The following KIF26B variants were observed in gnomAD, a reference collection of about 807,000 sequenced individuals.
KIF26B encodes the protein kinesin-like protein KIF26B.
KIF26B carries 63 observed loss-of-function variants against 151.2 expected under a neutral mutation model. That is an observed-to-expected ratio of 0.42 (90% CI 0.34 to 0.51). The LOEUF is 0.51. Among genes scored for constraint, KIF26B ranks in the 20% least tolerant of loss-of-function variants. The pLI, the probability that KIF26B is intolerant of heterozygous loss-of-function variation, is 0.07. For missense variants in KIF26B, 2,813 were observed against 2,913.6 expected, an observed-to-expected ratio of 0.97 and a Z score of 0.79; for synonymous variants, 1,357 against 1,262.1, an observed-to-expected ratio of 1.08 and a Z score of -1.59.
Position 245,270,912 on chromosome 1 carries a change from T to A in KIF26B, c.466-95922T>A, listed in dbSNP as rs1221577645. Reference sequence around the variant, plus strand: ...TCAGGTCTACATTTAAGTCCTTTAATCCATTTTGAGTTGAGGTTTATGTAT... The same window carrying A: ...TCAGGTCTACATTTAAGTCCTTTAAACCATTTTGAGTTGAGGTTTATGTAT... On this transcript the variant is annotated intron_variant, in intron 2 of 14. Transcript: ENST00000407071. 3.3e-5 allele frequency among the ~76,000 whole-genome samples: 5 copies of A among 152,372 alleles called. No homozygotes were observed. In the East Asian group the frequency reaches 9.6e-4, roughly 29 times the overall value.
intron 2 of KIF26B, among the ~76,000 whole-genome samples, chr1:245,230,026 T>C (rs1241209181): frequency 6.6e-6 from 1 of 151,706 alleles, no homozygotes; most frequent in Non-Finnish European, 1.5e-5. Flanking sequence ...CCAGCTACTC[T>C]GGAGGCTGAG....
intron 4 of KIF26B, among the ~76,000 whole-genome samples, chr1:245,479,842 A>G (rs1242152156): frequency 4.6e-5 from 7 of 152,034 alleles, no homozygotes; most frequent in Admixed American, 3.9e-4. Flanking sequence ...GGGAGAGAGT[A>G]GAAAGGATAC....
At chr1:245,662,670 C>CT (rs2044166579) in intron 10 of KIF26B, among the ~76,000 whole-genome samples, 1 of 75,876 alleles carries the variant, frequency 1.3e-5, no homozygotes, top group Non-Finnish European at 2.9e-5. Flanking sequence ...TACATATACC[C>CT]AATGATACAT....
chr1:245,632,203 G>T (rs540830028), intron 9 of KIF26B, among the ~76,000 whole-genome samples: 9 of 152,000 alleles, frequency 5.9e-5, no homozygotes, highest in Non-Finnish European at 1.5e-5. Context: ...TGCTTTTGTT[G>T]TATCCCGTAG....
chr1:245,232,873 C>T (rs1205943481), intron 2 of KIF26B, among the ~76,000 whole-genome samples: 1 of 152,140 alleles, frequency 6.6e-6, no homozygotes, highest in African/African-American at 2.4e-5. Context: ...CCTCCAAAGT[C>T]ACGTTGCACA....
chr1:245,220,575 T>C (rs1669747325), intron 2 of KIF26B, among the ~76,000 whole-genome samples: 1 of 152,128 alleles, frequency 6.6e-6, no homozygotes, highest in Admixed American at 6.5e-5. Flanking sequence ...GTAAGGCATG[T>C]GACTGTACAA....
Position 245,402,242 on chromosome 1 carries a change from A to T in KIF26B, c.1000-17337A>T, listed in dbSNP as rs190619670. ...GTATTTCAGCTGGAGAATTACAGAG[A>T]AAAAAGGTTCAAGTGGCTTATTGTA... On this transcript the variant is annotated intron_variant, in intron 3 of 14. Coordinates refer to ENST00000407071, the MANE Select transcript of KIF26B (RefSeq NM_018012.4). Among the ~76,000 whole-genome samples the T allele has an allele frequency of 2.0e-5, 3 of 152,342 alleles. No individual in the cohort carries two copies. The East Asian group carries it at 5.8e-4, about 29-fold the overall frequency.
rs2102985958 is a variant in KIF26B, at chr1:245,318,606, C to T, written c.466-48228C>T. Among the ~76,000 whole-genome samples the T allele has an allele frequency of 6.6e-6, 1 of 152,192 alleles. No homozygotes were observed. Among genetic ancestry groups the T allele is most frequent in the African/African-American group, 2.4e-5 (1 of 41,530 alleles). ...GCCTTTCCAAGCAGGGACTTTGCTG[C>T]GACTCCCTAAGTTCATAGGGAAAGC... is the stretch of plus-strand genomic sequence containing the variant. On this transcript the variant is annotated intron_variant, in intron 2 of 14. Coordinates refer to ENST00000407071, the MANE Select transcript of KIF26B (RefSeq NM_018012.4). This position sits in a 1 kb window ranked among gnomAD's most constrained non-coding sequence, Gnocchi z 4.0.
chr1:245,445,396 T>G (rs1332331317), intron 4 of KIF26B, among the ~76,000 whole-genome samples: 1 of 152,192 alleles, frequency 6.6e-6, no homozygotes, highest in African/African-American at 2.4e-5. Flanking sequence ...TTTAGAGATA[T>G]AGACTAAAAT....
chr1:245,227,815 ACATGGTGGAACCC>A lies in KIF26B; in HGVS notation c.465+71136_465+71148del, dbSNP rs1669905535. ...CAGGAGTTTGAGACCAGCCTGGCCA[ACATGGTGGAACCC>A]CATCTCTACTAAAAATACAAAAAAT... On this transcript the variant is annotated intron_variant, in intron 2 of 14. Coordinates refer to ENST00000407071, the MANE Select transcript of KIF26B (RefSeq NM_018012.4). The surrounding 1 kb of genome is among the most constrained non-coding windows in gnomAD (Gnocchi z 4.1). Among the ~76,000 whole-genome samples, 4 of 152,160 alleles carry A rather than the reference ACATGGTGGAACCC, an allele frequency of 2.6e-5. No homozygotes were observed.
chr1:245,365,474 C>A (rs1044475003), intron 2 of KIF26B, among the ~76,000 whole-genome samples: 2 of 151,492 alleles, frequency 1.3e-5, no homozygotes, highest in African/African-American at 4.9e-5. Context: ...GAACCACCCC[C>A]CAAATGCTGA....
chr1:245,165,482 T>C (rs1467965734), intron 2 of KIF26B, among the ~76,000 whole-genome samples: 5 of 152,204 alleles, frequency 3.3e-5, no homozygotes, highest in South Asian at 2.1e-4. Flanking sequence ...TGGGCTCCTG[T>C]TGGCGCTCTA....
intron 3 of KIF26B, among the ~76,000 whole-genome samples, chr1:245,393,933 G>A (rs1673760719): frequency 2.0e-5 from 3 of 152,188 alleles, no homozygotes; most frequent in African/African-American, 7.2e-5. Context: ...ACCTGGGGGA[G>A]GGGAAGGGGT....
intron 2 of KIF26B, among the ~76,000 whole-genome samples, chr1:245,274,399 G>T (rs554585780): frequency 6.9e-6 from 1 of 145,102 alleles, no homozygotes; most frequent in African/African-American, 2.5e-5. Flanking sequence ...AACAGGCCCC[G>T]GTGTGTGATG....
chr1:245,450,282 A>G (rs927875273), intron 4 of KIF26B, among the ~76,000 whole-genome samples: 7 of 152,150 alleles, frequency 4.6e-5, no homozygotes, highest in Non-Finnish European at 1.0e-4. Context: ...TTCCTTCCGA[A>G]TCACTGGATT....
intron 4 of KIF26B, among the ~76,000 whole-genome samples, chr1:245,507,925 A>G (rs1252741265): frequency 1.3e-5 from 2 of 152,136 alleles, no homozygotes; most frequent in Non-Finnish European, 2.9e-5. Context: ...TGTTTCACCA[A>G]GTTTAGTGAC....
chr1:245,623,352 G>A (rs1572164738), intron 9 of KIF26B, among the ~76,000 whole-genome samples: 1 of 152,042 alleles, frequency 6.6e-6, no homozygotes, highest in Non-Finnish European at 1.5e-5. Context: ...CGGTACTCTC[G>A]TGTGTGGCTT....
chr1:245,394,583 A>G (rs1673778035), intron 3 of KIF26B, among the ~76,000 whole-genome samples: 1 of 152,100 alleles, frequency 6.6e-6, no homozygotes, highest in Non-Finnish European at 1.5e-5. Context: ...AGATTGCACC[A>G]CTGCACTCCA....
intron 4 of KIF26B, among the ~76,000 whole-genome samples, chr1:245,432,326 T>C (rs1428383619): frequency 6.6e-6 from 1 of 152,118 alleles, no homozygotes; most frequent in African/African-American, 2.4e-5. Flanking sequence ...GGGGATAGCA[T>C]TGTAACAAAG....
Sources: allele counts gnomAD v4.1 joint callset (sites outside exome capture counted in the v4.1 genomes callset), GRCh38; gene constraint gnomAD v4.1.1; non-coding constraint Gnocchi (gnomAD v3.1); transcripts MANE v1.5; gene names NCBI Gene and HGNC (gene_info 2026-07-23, HGNC 2026-07-21).